Variants in RNGTT observed in about 807,000 individuals in gnomAD.
RNGTT encodes RNA guanylyltransferase and 5'-phosphatase.
RNGTT carries 33 observed loss-of-function variants against 79.3 expected under a neutral mutation model. The ratio of observed to expected loss-of-function variants is 0.42; its 90% CI spans 0.32 to 0.56. The LOEUF is 0.56. Among genes scored for constraint, RNGTT ranks in the 20% least tolerant of loss-of-function variants. RNGTT has a pLI of 0.17. For missense variants in RNGTT, 497 were observed against 739.1 expected (o/e 0.67, Z 3.80); for synonymous variants, 222 against 235.9 (o/e 0.94, Z 0.54).
chr6:88,768,411 A>G (rs1778537845), intron 13 of RNGTT, among the ~76,000 whole-genome samples: 1 of 152,174 alleles, frequency 6.6e-6, no homozygotes, highest in African/African-American at 2.4e-5. Context: ...CCCAGCCTCA[A>G]ATAAAATGTT....
chr6:88,725,575 G>A (rs1776865891), intron 13 of RNGTT, among the ~76,000 whole-genome samples: 1 of 152,156 alleles, frequency 6.6e-6, no homozygotes, highest in South Asian at 2.1e-4. Context: ...CTCCATTCAG[G>A]AGGGGGTTGA....
chr6:88,721,920 C>T (rs974620110), intron 13 of RNGTT, among the ~76,000 whole-genome samples: 1 of 151,968 alleles, frequency 6.6e-6, no homozygotes, highest in African/African-American at 2.4e-5. Context: ...TTCTACAATG[C>T]TACCTTTTTA....
intron 12 of RNGTT, among the ~76,000 whole-genome samples, chr6:88,794,026 C>T (rs1286050716): frequency 6.6e-6 from 1 of 152,160 alleles, no homozygotes; most frequent in African/African-American, 2.4e-5. Flanking sequence ...TTTTCAAGTA[C>T]TGATTTATAT....
Position 88,904,946 on chromosome 6 carries a change from T to G in RNGTT, c.453A>C (p.Ala151=), listed in dbSNP as rs1298335199. ...LVEKMDWSIE[A]AVATFAQARP... is the part of the protein sequence containing the mutation. ...TGGCTTGGGCAAAAGTAGCAACTGCTGCTTCGATACTATAGGAAACAAACA... is the reference window on the plus strand; with the variant it reads ...TGGCTTGGGCAAAAGTAGCAACTGCGGCTTCGATACTATAGGAAACAAACA... The change falls in exon 6 of 16, where the codon GCA becomes GCC. Residue 151 remains alanine, a synonymous_variant. Transcript: ENST00000369485. 6.2e-7 allele frequency: 1 copy of G among 1,613,986 alleles called. No individual in the cohort carries two copies. The highest frequency in any genetic ancestry group is 1.3e-5 in the African/African-American group (1 of 74,948).
chr6:88,661,374 G>A (rs982465961), intron 14 of RNGTT, among the ~76,000 whole-genome samples: 2 of 151,816 alleles, frequency 1.3e-5, no homozygotes, highest in Admixed American at 6.6e-5. Context: ...TAAATAAAAC[G>A]AAATGCTGGT....
At position 88,658,312 on chromosome 6, in the gene RNGTT, AAAC is replaced by A. The variant is rs1336875779; in HGVS notation, c.1506+20038_1506+20040del. On this transcript the variant is annotated intron_variant, in intron 14 of 15. Coordinates refer to ENST00000369485, the MANE Select transcript of RNGTT (RefSeq NM_003800.5). ...TTCAAGAAAACCAGCACACTAAACA[AAAC>A]AACAACCAATGATTCCTACAGAGTT... is the stretch of plus-strand genomic sequence containing the variant. 3.3e-5 allele frequency among the ~76,000 whole-genome samples: 5 copies of A among 152,156 alleles called. No individual in the cohort carries two copies. In the East Asian group the frequency reaches 9.6e-4, roughly 29 times the overall value.
intron 14 of RNGTT, among the ~76,000 whole-genome samples, chr6:88,618,662 A>G (rs947338952): frequency 7.2e-5 from 11 of 152,204 alleles, no homozygotes; most frequent in Admixed American, 2.6e-4. Context: ...AACACACCAT[A>G]TATTTTATGT....
chr6:88,712,310 T>A (rs962363954), intron 13 of RNGTT, among the ~76,000 whole-genome samples: 2 of 152,150 alleles, frequency 1.3e-5, no homozygotes, highest in African/African-American at 4.8e-5. Flanking sequence ...ATAAATAGGT[T>A]GTGTTGTTTT....
chr6:88,845,804 A>T (rs2127901876), intron 10 of RNGTT, among the ~76,000 whole-genome samples: 1 of 152,318 alleles, frequency 6.6e-6, no homozygotes, highest in East Asian at 1.9e-4. Flanking sequence ...ATAAAGGCAT[A>T]CAACCATCTG....
chr6:88,793,771 G>A (rs965356077), intron 12 of RNGTT, among the ~76,000 whole-genome samples: 4 of 152,068 alleles, frequency 2.6e-5, no homozygotes, highest in African/African-American at 9.7e-5. Flanking sequence ...ATTCCAGCCT[G>A]GGCGACAGAG....
intron 12 of RNGTT, among the ~76,000 whole-genome samples, chr6:88,796,775 AG>A (rs1779615865): frequency 6.6e-6 from 1 of 152,188 alleles, no homozygotes; most frequent in South Asian, 2.1e-4. Context: ...TGTCTTAGGA[AG>A]CTTATTACAA....
intron 13 of RNGTT, among the ~76,000 whole-genome samples, chr6:88,742,886 G>C (rs1777540962): frequency 6.6e-6 from 1 of 152,118 alleles, no homozygotes; most frequent in East Asian, 1.9e-4. Flanking sequence ...TTACATGCAA[G>C]GCAAATGCAT....
At chr6:88,852,383 T>TA (rs950181141) in intron 9 of RNGTT, among the ~76,000 whole-genome samples, 6 of 151,994 alleles carry the variant, frequency 3.9e-5, no homozygotes, top group Non-Finnish European at 2.9e-5. Flanking sequence ...ATTATAATGC[T>TA]AAAAAAAGTA....
In RNGTT at chr6:88,623,264, C is replaced by A. The variant is rs1772504834; in HGVS notation, c.1507-8869G>T. Among the ~76,000 whole-genome samples, 4 of 152,064 alleles carry A rather than the reference C, an allele frequency of 2.6e-5. No homozygotes were observed. In the South Asian group the frequency reaches 8.3e-4, roughly 32 times the overall value. ...AAAGGCAATGCAATGGAAATAATGT[C>A]TCTACAAGCCTTTGAATGGGGTCCC... On this transcript the variant is annotated intron_variant, in intron 14 of 15. Coordinates refer to ENST00000369485, the MANE Select transcript of RNGTT (RefSeq NM_003800.5).
At chr6:88,807,751 T>C (rs1562263084) in intron 11 of RNGTT, among the ~76,000 whole-genome samples, 1 of 150,708 alleles carries the variant, frequency 6.6e-6, no homozygotes, top group Non-Finnish European at 1.5e-5. Flanking sequence ...GGAAGAAAGA[T>C]TTAAGAAAAA....
chr6:88,727,932 G>GT (rs1776974280), intron 13 of RNGTT, among the ~76,000 whole-genome samples: 1 of 152,124 alleles, frequency 6.6e-6, no homozygotes, highest in Non-Finnish European at 1.5e-5. Flanking sequence ...TGAGGATCAC[G>GT]TTCTCATCAA....
chr6:88,689,061 G>T (rs939150250), intron 13 of RNGTT, among the ~76,000 whole-genome samples: 3 of 152,040 alleles, frequency 2.0e-5, no homozygotes, highest in South Asian at 2.1e-4. Context: ...AGTTAGGTTT[G>T]GGGGGGAGTC....
At chr6:88,767,630 ACT>A (rs570864025) in intron 13 of RNGTT, among the ~76,000 whole-genome samples, 2 of 144,078 alleles carry the variant, frequency 1.4e-5, no homozygotes, top group Non-Finnish European at 3.0e-5. Flanking sequence ...ACAAAATTTT[ACT>A]TCATCTTTGA....
chr6:88,665,306 G>A (rs542886764), intron 14 of RNGTT, among the ~76,000 whole-genome samples: 1 of 152,260 alleles, frequency 6.6e-6, no homozygotes, highest in South Asian at 2.1e-4. Context: ...CAGAGGCCCA[G>A]CCAGTCAGGC....
Sources: gnomAD v4.1 joint callset for allele counts (sites outside exome capture counted in the v4.1 genomes callset) on GRCh38, gnomAD v4.1.1 for gene constraint, MANE v1.5 for transcripts, NCBI Gene and HGNC (gene_info 2026-07-23, HGNC 2026-07-21) for gene names.